FANK1: variants seen among roughly 807,000 people sequenced by gnomAD.
The protein encoded by FANK1 is fibronectin type 3 and ankyrin repeat domains protein 1.
Under a neutral mutation model 45.3 loss-of-function variants are expected in FANK1, and 44 were observed. The ratio of observed to expected loss-of-function variants is 0.97; its 90% CI spans 0.76 to 1.25. FANK1 has a LOEUF of 1.25. Ranked by LOEUF, FANK1 falls within the 50% of genes most tolerant of loss-of-function variation. The pLI, the probability that FANK1 is intolerant of heterozygous loss-of-function variation, is 0.00. For missense variants in FANK1, 391 were observed against 424.4 expected, an observed-to-expected ratio of 0.92 and a Z score of 0.69; for synonymous variants, 149 against 152.5, an observed-to-expected ratio of 0.98 and a Z score of 0.17.
At chr10:125,985,511 G>A (rs185700728) in intron 2 of FANK1, among the ~76,000 whole-genome samples, 73 of 152,238 alleles carry the variant, frequency 4.8e-4, no homozygotes, top group Admixed American at 3.1e-3. Flanking sequence ...TATGGTAAAT[G>A]TGTTTATATC....
chr10:125,952,199 T>TA lies in FANK1; in HGVS notation c.14-27952dup, dbSNP rs60371139. On this transcript the variant is annotated intron_variant, in intron 1 of 10. Coordinates refer to ENST00000368693, the MANE Select transcript of FANK1 (RefSeq NM_145235.5). ...AAATTTTATTTCATGTGATTTGCTT[T>TA]AAAAAAAAAAGCGTGGTGTGTTTAT... 9.3e-3 allele frequency among the ~76,000 whole-genome samples: 1,390 copies of TA among 148,910 alleles called. 18 individuals carry two copies. The highest frequency in any genetic ancestry group is 0.025 in the East Asian group (130 of 5,120).
At chr10:125,961,815 G>A (rs554008829) in intron 1 of FANK1, among the ~76,000 whole-genome samples, 1 of 152,272 alleles carries the variant, frequency 6.6e-6, no homozygotes, top group African/African-American at 2.4e-5. Flanking sequence ...GTGATGGTAT[G>A]TACCTGTAGT....
chr10:125,950,136 A>C (rs1949103183), intron 1 of FANK1, among the ~76,000 whole-genome samples: 1 of 149,292 alleles, frequency 6.7e-6, no homozygotes, highest in Non-Finnish European at 1.5e-5. Flanking sequence ...TAAAGACTTA[A>C]ACGTTAGACC....
intron 1 of FANK1, among the ~76,000 whole-genome samples, chr10:125,979,200 T>C (rs1407387772): frequency 1.3e-5 from 2 of 152,186 alleles, no homozygotes; most frequent in Non-Finnish European, 2.9e-5. Flanking sequence ...TTCTTTGTTC[T>C]CTGTGGGTCA....
intron 1 of FANK1, among the ~76,000 whole-genome samples, chr10:125,911,888 C>A (rs1173292417): frequency 6.6e-6 from 1 of 152,178 alleles, no homozygotes; most frequent in South Asian, 2.1e-4. Context: ...TTATATAGGG[C>A]GGGCTCCCTG....
At chr10:125,907,392 C>G (rs1160373088) in intron 1 of FANK1, 2 of 663,040 alleles carry the variant, frequency 3.0e-6, no homozygotes, top group East Asian at 2.7e-4. Flanking sequence ...AGGCAGACTT[C>G]TAAGATGTTT....
intron 2 of FANK1, among the ~76,000 whole-genome samples, chr10:125,987,896 T>C (rs536347549): frequency 6.6e-6 from 1 of 152,232 alleles, no homozygotes; most frequent in Non-Finnish European, 1.5e-5. Context: ...GACTCAGTAC[T>C]ACTTCCCTCT....
intron 1 of FANK1, among the ~76,000 whole-genome samples, chr10:125,966,994 T>G (rs4962315): frequency 0.92 from 140,602 of 152,226 alleles, 64,999 homozygotes; most frequent in Non-Finnish European, 0.94. Flanking sequence ...CATAGCATCT[T>G]TGTAAGTTCG....
At chr10:125,999,767 A>G (rs1005590422) in intron 6 of FANK1, among the ~76,000 whole-genome samples, 6 of 152,176 alleles carry the variant, frequency 3.9e-5, no homozygotes, top group South Asian at 2.1e-4. Flanking sequence ...GCTTGTAGGC[A>G]TTTAATGAGT....
At chr10:125,982,265 G>A (rs1374940334) in intron 2 of FANK1, among the ~76,000 whole-genome samples, 1 of 152,250 alleles carries the variant, frequency 6.6e-6, no homozygotes, top group African/African-American at 2.4e-5. Context: ...TGGGTGGCCA[G>A]GTAGGCAGCC....
At chr10:125,913,565 A>G (rs2134118333) in intron 1 of FANK1, among the ~76,000 whole-genome samples, 1 of 152,320 alleles carries the variant, frequency 6.6e-6, no homozygotes, top group East Asian at 1.9e-4. Flanking sequence ...CATTGCCACC[A>G]CTACTTCCAA....
chr10:125,978,098 G>T (rs1039001122), intron 1 of FANK1, among the ~76,000 whole-genome samples: 1 of 152,046 alleles, frequency 6.6e-6, no homozygotes, highest in African/African-American at 2.4e-5. Context: ...GTATGCTTGG[G>T]GCCTGCTCCA....
intron 3 of FANK1, chr10:125,989,585 A>AG: frequency 1.5e-6 from 1 of 687,834 alleles, no homozygotes; most frequent in Non-Finnish European, 2.7e-6. Context: ...ACCTGGCATG[A>AG]GGGGACAGGA....
chr10:125,959,619 A>G (rs1235239984), intron 1 of FANK1, among the ~76,000 whole-genome samples: 1 of 152,136 alleles, frequency 6.6e-6, no homozygotes, highest in Non-Finnish European at 1.5e-5. Context: ...AAAATGAAAC[A>G]ACCTTCTCAT....
At chr10:125,933,148 G>A (rs774119763) in intron 1 of FANK1, among the ~76,000 whole-genome samples, 4 of 152,196 alleles carry the variant, frequency 2.6e-5, no homozygotes, top group Non-Finnish European at 4.4e-5. Flanking sequence ...CAAGGATATC[G>A]GTCTGTAGTT....
At chr10:125,922,700 A>C (rs1947030766) in intron 1 of FANK1, among the ~76,000 whole-genome samples, 1 of 152,198 alleles carries the variant, frequency 6.6e-6, no homozygotes, top group African/African-American at 2.4e-5. Flanking sequence ...TTTTTTATAA[A>C]GACAGGATTT....
chr10:125,921,356 T>C (rs1469026984), intron 1 of FANK1, among the ~76,000 whole-genome samples: 1 of 152,222 alleles, frequency 6.6e-6, no homozygotes, highest in Admixed American at 6.5e-5. Context: ...GTATCAACAG[T>C]TATTCCTTTT....
chr10:126,004,536 A>G (rs1003218760), intron 6 of FANK1: 1 of 218,726 alleles, frequency 4.6e-6, no homozygotes, highest in Non-Finnish European at 9.2e-6. Flanking sequence ...CCTTCCCTTC[A>G]GCCGCAGGCA....
chr10:125,973,683 G>A (rs1202603017), intron 1 of FANK1: 1 of 153,650 alleles, frequency 6.5e-6, no homozygotes, highest in African/African-American at 2.4e-5. Flanking sequence ...TGTACTCAAT[G>A]TACCATTTGG....
Sources: allele counts gnomAD v4.1 joint callset (sites outside exome capture counted in the v4.1 genomes callset), GRCh38; gene constraint gnomAD v4.1.1; transcripts MANE v1.5; gene names NCBI Gene and HGNC (gene_info 2026-07-23, HGNC 2026-07-21).